Variants in SLC25A47 observed in about 807,000 individuals in gnomAD.
The protein encoded by SLC25A47 is HCC-down-regulated mitochondrial carrier protein.
In SLC25A47, 30 loss-of-function variants were observed where a neutral mutation model predicts 29.8. The ratio of observed to expected loss-of-function variants is 1.01; its 90% confidence interval spans 0.75 to 1.36. The LOEUF is 1.36. Ranked by LOEUF, SLC25A47 falls within the 40% of genes most tolerant of loss-of-function variation. The pLI is 0.00. For synonymous variants in SLC25A47, 204 were observed against 197.8 expected (o/e 1.03, Z -0.26); for missense variants, 430 against 441.9 (o/e 0.97, Z 0.24).
At chr14:100,326,335 C>T (rs1893340490) in intron 3 of SLC25A47, 107 bp downstream of exon 3, 2 of 958,160 alleles carry the variant, frequency 2.1e-6, no homozygotes, top group East Asian at 5.1e-5. Flanking sequence ...TCAGCTCTCT[C>T]ACCTTCCACA....
In SLC25A47 at chr14:100,329,558, C is replaced by G. The variant is rs1273623098; in HGVS notation, c.840C>G (p.Leu280=). Residue 280 remains leucine, a synonymous_variant, in exon 6 of 6, where the codon CTC becomes CTG. Coordinates refer to ENST00000361529, the MANE Select transcript of SLC25A47 (RefSeq NM_207117.4). Reference sequence around the variant, plus strand: ...GGGTCCTTTTCAAGGGGCTGGTACTCAATTGCTGCCGCGCCTTCCCTGTCA... The same window carrying G: ...GGGTCCTTTTCAAGGGGCTGGTACTGAATTGCTGCCGCGCCTTCCCTGTCA... ...GPRVLFKGLV[L]NCCRAFPVNM... 1.9e-6 allele frequency: 3 copies of G among 1,613,520 alleles called. No homozygotes were observed. In the Admixed American group the frequency reaches 5.0e-5, roughly 27 times the overall value.
At chr14:100,327,591 C>T (rs550167763) in intron 4 of SLC25A47, among the ~76,000 whole-genome samples, 1 of 152,184 alleles carries the variant, frequency 6.6e-6, no homozygotes, top group African/African-American at 2.4e-5. Context: ...TCCTGCCCAG[C>T]ACGGCCCCCT....
chr14:100,329,078 G>A, intron 5 of SLC25A47, 34 bp downstream of exon 5: 1 of 1,589,186 alleles, frequency 6.3e-7, no homozygotes, highest in Non-Finnish European at 8.5e-7. Flanking sequence ...AGGGCGGGGA[G>A]CCCAGAAGGA....
chr14:100,327,216 TGCCCGTGTGCACG>T lies in SLC25A47; in HGVS notation c.175_187del (p.Pro59CysfsTer50), dbSNP rs1566824541. 1 of 1,609,430 alleles carries T rather than the reference TGCCCGTGTGCACG, an allele frequency of 6.2e-7. No homozygotes were observed. The highest frequency in any genetic ancestry group is 1.7e-5 in the Admixed American group (1 of 59,946). ...TGGGGCTTCTACCGGGGCCTCTCGC[TGCCCGTGTGCACG>T]GTGTCCCTGGTATCTTCCGTGTCTT... On this transcript the variant is annotated frameshift_variant, in exon 4 of 6. Transcript: ENST00000361529. LOFTEE classifies it high-confidence loss of function.
In SLC25A47 at chr14:100,328,739, C is replaced by A. The variant is rs780299799; in HGVS notation, c.341C>A (p.Ser114Ter). Reference sequence around the variant, plus strand: ...TCTCTGCTCCAGGTGTTCCTGACGTCGCCCACTGAGGTGGCCAAAGTCCGC... The same window carrying A: ...TCTCTGCTCCAGGTGTTCCTGACGTAGCCCACTGAGGTGGCCAAAGTCCGC... Reference protein sequence around the residue: ...ASGLVRVFLTSPTEVAKVRLQ... With the variant: ...ASGLVRVFLT The change falls in exon 5 of 6, where the codon TCG becomes TAG. Residue 114 changes from serine (S) to a stop codon, truncating the protein, a stop_gained. Coordinates refer to ENST00000361529, the MANE Select transcript of SLC25A47 (RefSeq NM_207117.4). LOFTEE classifies it high-confidence loss of function. The A allele has an allele frequency of 6.2e-7, 1 of 1,612,870 alleles. No individual in the cohort carries two copies. Among genetic ancestry groups the A allele is most frequent in the African/African-American group, 1.3e-5 (1 of 74,948 alleles).
chr14:100,325,488 C>G (rs575056200), intron 1 of SLC25A47, among the ~76,000 whole-genome samples: 2 of 152,150 alleles, frequency 1.3e-5, no homozygotes, highest in Admixed American at 6.5e-5. Flanking sequence ...GTGGGGAGGC[C>G]GGGGCATGTC....
intron 4 of SLC25A47, 24 bp from the exon 5 acceptor site, chr14:100,328,701 AC>A: frequency 1.2e-6 from 2 of 1,611,318 alleles, no homozygotes; most frequent in Non-Finnish European, 1.7e-6. Flanking sequence ...CAGGTGGCTG[AC>A]CCCTGCTTCC....
chr14:100,327,058 G>C (rs1408319570), intron 3 of SLC25A47, 130 bp from the exon 4 acceptor site: 2 of 849,530 alleles, frequency 2.4e-6, no homozygotes, highest in Non-Finnish European at 3.6e-6. Context: ...AGAGGAAACT[G>C]AGGCCCTGAG....
At chr14:100,328,129 T>TTTTG (rs1893374200) in intron 4 of SLC25A47, among the ~76,000 whole-genome samples, 1 of 151,438 alleles carries the variant, frequency 6.6e-6, no homozygotes, top group Non-Finnish European at 1.5e-5. Context: ...TTTTTTTTTT[T>TTTTG]GAGACAGAGT....
chr14:100,329,862 G>T lies in SLC25A47; in HGVS notation c.*217G>T. 1.5e-6 allele frequency: 1 copy of T among 647,158 alleles called. No homozygotes were observed. Among genetic ancestry groups the T allele is most frequent in the South Asian group, 2.0e-5 (1 of 49,890 alleles). The allele number at this position is 647,158 out of a possible 1,614,324, so 40.1% of individuals were successfully genotyped here. A position where few individuals can be genotyped will look rare whatever the true frequency, so the allele number is the denominator to read the frequency against. On this transcript the variant is annotated 3_prime_UTR_variant, in exon 6 of 6. Coordinates refer to ENST00000361529, the MANE Select transcript of SLC25A47 (RefSeq NM_207117.4). ...GCCCGCCAGCCATCAGCCAGGGTTG[G>T]CCTAGGGTGGCAGGAGCCAGGGAGG...
At chr14:100,324,915 G>T (rs138566021) in intron 1 of SLC25A47, among the ~76,000 whole-genome samples, 1 of 152,176 alleles carries the variant, frequency 6.6e-6, no homozygotes, top group East Asian at 1.9e-4. Flanking sequence ...AGCCTGGTGA[G>T]GTGTGTGAGG....
chr14:100,325,635 T>C (rs1241851384), intron 1 of SLC25A47, among the ~76,000 whole-genome samples, 153 bp from the exon 2 acceptor site: 1 of 152,160 alleles, frequency 6.6e-6, no homozygotes, highest in Non-Finnish European at 1.5e-5. Flanking sequence ...GCCCTCAGGA[T>C]TGATGAGACC....
chr14:100,325,702 T>A (rs1893325320), intron 1 of SLC25A47, 86 bp from the exon 2 acceptor site: 3 of 1,415,326 alleles, frequency 2.1e-6, no homozygotes, highest in Non-Finnish European at 2.9e-6. Context: ...CCAGTCAGCG[T>A]GCGCTCTGCT....
chr14:100,328,947 G>C lies in SLC25A47; in HGVS notation c.549G>C (p.Ser183=), dbSNP rs140138768. The change falls in exon 5 of 6, where the codon TCG becomes TCC. Residue 183 remains serine, a synonymous_variant. Coordinates refer to ENST00000361529, the MANE Select transcript of SLC25A47 (RefSeq NM_207117.4). ...TGTGCGGCCTCTACAAGGGCAGCTCGGCCCTGGTCTTACGGGACGGCCACT... is the reference window on the plus strand; with the variant it reads ...TGTGCGGCCTCTACAAGGGCAGCTCCGCCCTGGTCTTACGGGACGGCCACT... ...EGLCGLYKGS[S]ALVLRDGHSF... is the part of the protein sequence containing the mutation. 2 of 1,605,142 alleles carry C rather than the reference G, an allele frequency of 1.2e-6. No individual in the cohort carries two copies. Among genetic ancestry groups the C allele is most frequent in the Non-Finnish European group, 1.7e-6 (2 of 1,179,876 alleles).
intron 4 of SLC25A47, among the ~76,000 whole-genome samples, chr14:100,327,605 G>A (rs1050893695): frequency 6.6e-6 from 1 of 152,204 alleles, no homozygotes; most frequent in African/African-American, 2.4e-5. Flanking sequence ...GCCCCCTCAG[G>A]AAGGGGGCTG....
chr14:100,329,412 T>C lies in SLC25A47; in HGVS notation c.694T>C (p.Trp232Arg). ...VAGGCAGVLA[W>R]AVATPMDVIK... ...CGGGGGCTGTGCAGGAGTCCTGGCC[T>C]GGGCTGTGGCCACCCCCATGGACGT... The change falls in exon 6 of 6, where the codon TGG (tryptophan) becomes CGG (arginine). Residue 232 changes from tryptophan (W) to arginine (R), a missense_variant. Physicochemically the swap from Trp to Arg is moderately radical, Grantham distance 101. Transcript: ENST00000361529. 1 of 1,612,796 alleles carries C rather than the reference T, an allele frequency of 6.2e-7. No homozygotes were observed. The highest frequency in any genetic ancestry group is 2.2e-5 in the East Asian group (1 of 44,872).
intron 4 of SLC25A47, among the ~76,000 whole-genome samples, chr14:100,328,043 C>T (rs1414894845): frequency 1.3e-5 from 2 of 152,200 alleles, no homozygotes; most frequent in African/African-American, 4.8e-5. Flanking sequence ...GAGGGTAAAG[C>T]CCCCAGCACA....
chr14:100,328,554 G>A (rs1341947946), intron 4 of SLC25A47, among the ~76,000 whole-genome samples, 172 bp from the exon 5 acceptor site: 1 of 152,264 alleles, frequency 6.6e-6, no homozygotes, highest in Non-Finnish European at 1.5e-5. Context: ...TTGGCATTGG[G>A]TGGGCGGAGC....
At chr14:100,327,831 G>C (rs981876518) in intron 4 of SLC25A47, among the ~76,000 whole-genome samples, 1 of 152,250 alleles carries the variant, frequency 6.6e-6, no homozygotes, top group African/African-American at 2.4e-5. Flanking sequence ...CCGCAGGGGA[G>C]ACAGACTTTC....
Sources: gnomAD v4.1 joint callset for allele counts (sites outside exome capture counted in the v4.1 genomes callset) on GRCh38, gnomAD v4.1.1 for gene constraint, MANE v1.5 for transcripts, NCBI Gene and HGNC (gene_info 2026-07-23, HGNC 2026-07-21) for gene names.